KPNA6: variants seen among roughly 807,000 people sequenced by gnomAD.
KPNA6 encodes importin subunit alpha-7.
Under a neutral mutation model 72.0 loss-of-function variants are expected in KPNA6, and 9 were observed. The ratio of observed to expected loss-of-function variants is 0.13; its 90% CI spans 0.08 to 0.22. The LOEUF (loss-of-function observed/expected upper bound fraction) is 0.22. Among genes scored for constraint, KPNA6 ranks in the 10% least tolerant of loss-of-function variants. KPNA6 has a pLI of 1.00. For synonymous variants in KPNA6, 219 were observed against 242.1 expected (o/e 0.90, Z 0.89); for missense variants, 374 against 655.7 (o/e 0.57, Z 4.69).
chr1:32,146,498 T>TA (rs1641931663), intron 1 of KPNA6, among the ~76,000 whole-genome samples: 1 of 152,208 alleles, frequency 6.6e-6, no homozygotes, highest in Non-Finnish European at 1.5e-5. Context: ...GGATATTTCC[T>TA]AGTGAACACC....
chr1:32,150,668 C>G (rs979654487), intron 1 of KPNA6, among the ~76,000 whole-genome samples: 2 of 152,006 alleles, frequency 1.3e-5, no homozygotes, highest in East Asian at 3.9e-4. Flanking sequence ...CCCTCTGTCA[C>G]CAGGCTGGAG....
Position 32,162,472 on chromosome 1 carries a change from A to G in KPNA6, c.859A>G (p.Ile287Val). 1.2e-6 allele frequency: 2 copies of G among 1,614,070 alleles called. No homozygotes were observed. Among genetic ancestry groups the G allele is most frequent in the Non-Finnish European group, 8.5e-7 (1 of 1,180,020 alleles). Reference sequence around the variant, plus strand: ...TCTGTCTGATGGCCCCAATGAGAAGATCCAGGCAGTCATAGACTCCGGAGT... The same window carrying G: ...TCTGTCTGATGGCCCCAATGAGAAGGTCCAGGCAGTCATAGACTCCGGAGT... ...SYLSDGPNEKIQAVIDSGVCR... is the reference protein window; with the variant it reads ...SYLSDGPNEKVQAVIDSGVCR... The change falls in exon 9 of 14, where the codon ATC becomes GTC. Residue 287 changes from isoleucine (I) to valine (V), a missense_variant. By Grantham distance (29) the Ile-to-Val change is conservative. This residue lies in a region of KPNA6 where 298 missense variants were observed against 495.4 expected (regional missense o/e 0.60). Transcript: ENST00000373625.
rs374404317 is a variant in KPNA6, at chr1:32,156,952, C to T, written c.231+7C>T. The stretch of plus-strand genomic sequence containing the variant: ...TGTGAGCTCTACCACTGGGGTAAGG[C>T]CCCTGCATGTGCCTCAGGCTGACCT... On this transcript the variant is annotated splice_region_variant and intron_variant, in intron 3 of 13. Transcript: ENST00000373625. 5.6e-6 allele frequency: 9 copies of T among 1,605,758 alleles called. 1 individual carries two copies. Among genetic ancestry groups the T allele is most frequent in the South Asian group, 5.5e-5 (5 of 90,742 alleles).
intron 1 of KPNA6, among the ~76,000 whole-genome samples, chr1:32,116,143 A>G (rs1227377046): frequency 6.6e-6 from 1 of 151,650 alleles, no homozygotes; most frequent in Non-Finnish European, 1.5e-5. Context: ...CAAAACCACT[A>G]AAAGTTTATC....
Position 32,158,558 on chromosome 1 carries a change from G to A in KPNA6, c.426+197G>A, listed in dbSNP as rs1032337037. Among the ~76,000 whole-genome samples, 6 of 152,270 alleles carry A rather than the reference G, an allele frequency of 3.9e-5. No homozygotes were observed. In the South Asian group the frequency reaches 1.2e-3, roughly 32 times the overall value. On this transcript the variant is annotated intron_variant, in intron 5 of 13. Transcript: ENST00000373625. Reference sequence around the variant, plus strand: ...CAAACAATCCAATTATACACTTTAAGTTATTTTAAATTGTGTAGTTATTAT... The same window carrying A: ...CAAACAATCCAATTATACACTTTAAATTATTTTAAATTGTGTAGTTATTAT...
intron 1 of KPNA6, among the ~76,000 whole-genome samples, chr1:32,151,084 A>T (rs1048331589): frequency 6.6e-6 from 1 of 152,068 alleles, no homozygotes; most frequent in Non-Finnish European, 1.5e-5. Context: ...ATGAGCCACC[A>T]TGCCTGGCTC....
At position 32,139,161 on chromosome 1, in the gene KPNA6, G is replaced by A. The variant is rs76178726; in HGVS notation, c.5-15427G>A. Reference sequence around the variant, plus strand: ...TAAATATTTGAATGGTGATTCACTCGACAAATATTTGTTGTAGATGCCGGG... The same window carrying A: ...TAAATATTTGAATGGTGATTCACTCAACAAATATTTGTTGTAGATGCCGGG... On this transcript the variant is annotated intron_variant, in intron 1 of 13. Transcript: ENST00000373625. 9.5e-3 allele frequency among the ~76,000 whole-genome samples: 1,451 copies of A among 152,200 alleles called. 18 individuals are homozygous for A. Among genetic ancestry groups the A allele is most frequent in the African/African-American group, 0.032 (1,330 of 41,530 alleles).
At chr1:32,156,129 A>C (rs1642138956) in intron 2 of KPNA6, among the ~76,000 whole-genome samples, 2 of 148,546 alleles carry the variant, frequency 1.3e-5, no homozygotes, top group African/African-American at 2.5e-5. Context: ...TTAAGACAGG[A>C]TCTTGCCCTG....
intron 1 of KPNA6, chr1:32,142,975 G>A (rs968084156): frequency 1.0e-5 from 13 of 1,289,814 alleles, no homozygotes; most frequent in African/African-American, 1.5e-5. Flanking sequence ...TTGAAGGAGA[G>A]GCTAGCGTCC....
intron 1 of KPNA6, among the ~76,000 whole-genome samples, chr1:32,136,238 G>A (rs142732367): frequency 6.8e-5 from 10 of 147,312 alleles, no homozygotes; most frequent in African/African-American, 1.0e-4. Context: ...GTGCAAGGGC[G>A]TGATCTTGGC....
intron 1 of KPNA6, among the ~76,000 whole-genome samples, chr1:32,129,081 C>A (rs1052986408): frequency 1.3e-5 from 2 of 152,076 alleles, no homozygotes; most frequent in African/African-American, 4.8e-5. Context: ...CCATCCAGCA[C>A]AGCTACCTTC....
At chr1:32,143,636 A>T (rs1389898851) in intron 1 of KPNA6, among the ~76,000 whole-genome samples, 1 of 151,988 alleles carries the variant, frequency 6.6e-6, no homozygotes, top group Non-Finnish European at 1.5e-5. Context: ...CAAAATTTTC[A>T]ATTTAAGTGT....
chr1:32,167,378 T>G (rs1235756892), intron 12 of KPNA6, 82 bp downstream of exon 12: 2 of 1,522,922 alleles, frequency 1.3e-6, no homozygotes, highest in East Asian at 4.5e-5. Context: ...ACCTATAAAC[T>G]GCTCTTGCTC....
At chr1:32,114,000 T>C (rs1641283934) in intron 1 of KPNA6, among the ~76,000 whole-genome samples, 1 of 152,222 alleles carries the variant, frequency 6.6e-6, no homozygotes, top group Non-Finnish European at 1.5e-5. Flanking sequence ...TGGTATCAAC[T>C]TCTTCCAAAC....
intron 1 of KPNA6, among the ~76,000 whole-genome samples, chr1:32,110,117 T>C (rs1236215504): frequency 6.9e-6 from 1 of 145,532 alleles, no homozygotes; most frequent in Non-Finnish European, 1.5e-5. Context: ...CATGCTGGAG[T>C]GCAGTGGCCA....
chr1:32,150,715 C>G (rs1642016180), intron 1 of KPNA6, among the ~76,000 whole-genome samples: 1 of 151,968 alleles, frequency 6.6e-6, no homozygotes, highest in Admixed American at 6.6e-5. Flanking sequence ...CAACTTCCAC[C>G]TCCCTGGTTC....
chr1:32,114,489 G>A (rs148515502), intron 1 of KPNA6, among the ~76,000 whole-genome samples: 1 of 150,728 alleles, frequency 6.6e-6, no homozygotes, highest in East Asian at 1.9e-4. Flanking sequence ...AAATCAAGCT[G>A]TAAACAGATG....
intron 1 of KPNA6, among the ~76,000 whole-genome samples, chr1:32,149,928 TAC>T (rs1641998331): frequency 6.6e-6 from 1 of 152,032 alleles, no homozygotes; most frequent in South Asian, 2.1e-4. Flanking sequence ...TTTTCTGACT[TAC>T]GGTTTCTGAC....
chr1:32,154,810 A>G, intron 2 of KPNA6, 89 bp downstream of exon 2: 1 of 1,421,200 alleles, frequency 7.0e-7, no homozygotes, highest in South Asian at 1.3e-5. Flanking sequence ...CTTGCCCTGT[A>G]GAAAAGTAGC....
Sources: gnomAD v4.1 joint callset for allele counts (sites outside exome capture counted in the v4.1 genomes callset) on GRCh38, gnomAD v4.1.1 for gene constraint, gnomAD v4.1.1 regional missense constraint, MANE v1.5 for transcripts, NCBI Gene and HGNC (gene_info 2026-07-23, HGNC 2026-07-21) for gene names.